Variants in FUT9 observed in about 807,000 individuals in gnomAD.
The protein encoded by FUT9 is fucosyltransferase 9.
Under a neutral mutation model 29.7 loss-of-function variants are expected in FUT9, and 15 were observed. The ratio of observed to expected loss-of-function variants is 0.51; its 90% CI spans 0.34 to 0.78. The LOEUF is 0.78. Ranked by LOEUF, FUT9 falls within the 30% of genes least tolerant of loss-of-function variation. The probability of loss-of-function intolerance (pLI) is 0.01; values close to 1 mark genes in which losing one functional copy is unlikely to be tolerated. For missense variants in FUT9, 319 were observed against 425.4 expected, an observed-to-expected ratio of 0.75 and a Z score of 2.20; for synonymous variants, 169 against 153.7, an observed-to-expected ratio of 1.10 and a Z score of -0.74.
At chr6:96,193,636 A>C (rs1490545336) in intron 2 of FUT9, among the ~76,000 whole-genome samples, 9 of 152,030 alleles carry the variant, frequency 5.9e-5, no homozygotes. Flanking sequence ...GTTGTGGAAG[A>C]CAGTGTGGCG....
Position 96,193,739 on chromosome 6 carries a change from A to C in FUT9, c.-8-9409A>C, listed in dbSNP as rs560692735. ...AAGGATTATAAATCATGCTGCTATA[A>C]AGACACATGCACATGTATGTTTATT... On this transcript the variant is annotated intron_variant, in intron 2 of 2. Transcript: ENST00000302103. 2.0e-4 allele frequency among the ~76,000 whole-genome samples: 30 copies of C among 152,274 alleles called. 1 individual carries two copies. The South Asian group carries it at 6.2e-3, about 32-fold the overall frequency.
rs116189103 is a variant in FUT9, at chr6:96,101,587, T to A, written c.-97-12452T>A. Among the ~76,000 whole-genome samples, 928 of 151,898 alleles carry A rather than the reference T, an allele frequency of 6.1e-3. 14 individuals are homozygous for A. Among genetic ancestry groups the A allele is most frequent in the African/African-American group, 0.021 (888 of 41,422 alleles). ...CATAAAAATGTACATTTTACCCTCA[T>A]GTTCAATTATTTCATTAAGGAGGTC... On this transcript the variant is annotated intron_variant, in intron 1 of 2. Transcript: ENST00000302103.
chr6:96,161,231 A>G (rs1772894929), intron 2 of FUT9, among the ~76,000 whole-genome samples: 1 of 152,180 alleles, frequency 6.6e-6, no homozygotes, highest in Non-Finnish European at 1.5e-5. Flanking sequence ...TGATTAGATC[A>G]TGAGTACAGA....
chr6:96,028,796 C>T (rs1253061303), intron 1 of FUT9, among the ~76,000 whole-genome samples: 3 of 151,516 alleles, frequency 2.0e-5, no homozygotes, highest in Non-Finnish European at 3.0e-5. Flanking sequence ...ATAATGAGCA[C>T]GGAAGAGCTA....
intron 1 of FUT9, among the ~76,000 whole-genome samples, chr6:96,090,614 T>C (rs1353861031): frequency 6.6e-6 from 1 of 151,776 alleles, no homozygotes; most frequent in Non-Finnish European, 1.5e-5. Context: ...TCTGGTAAGA[T>C]TGAGCAGAAA....
At position 96,158,275 on chromosome 6, in the gene FUT9, A is replaced by T. The variant is rs117048545; in HGVS notation, c.-9+44148A>T. Among the ~76,000 whole-genome samples, 1,307 of 152,182 alleles carry T rather than the reference A, an allele frequency of 8.6e-3. 21 individuals carry two copies. Among genetic ancestry groups the T allele is most frequent in the Middle Eastern group, 0.01 (3 of 294 alleles). On this transcript the variant is annotated intron_variant, in intron 2 of 2. Transcript: ENST00000302103. ...GGTCTTTAATTCATTTCATATCATA[A>T]TGGACAGATGGTGGACAAGGATTTT...
intron 2 of FUT9, among the ~76,000 whole-genome samples, chr6:96,163,569 G>T (rs1772953226): frequency 6.6e-6 from 1 of 152,102 alleles, no homozygotes. Flanking sequence ...AACCAATACA[G>T]CTGTTTCTGT....
intron 1 of FUT9, among the ~76,000 whole-genome samples, chr6:96,055,332 A>G (rs1351818201): frequency 2.0e-5 from 3 of 151,534 alleles, no homozygotes; most frequent in Non-Finnish European, 2.9e-5. Flanking sequence ...TTTTTATTTG[A>G]CCCAATAACT....
At chr6:96,190,024 T>C (rs776055604) in intron 2 of FUT9, among the ~76,000 whole-genome samples, 19 of 152,222 alleles carry the variant, frequency 1.2e-4, no homozygotes, top group Non-Finnish European at 2.5e-4. Context: ...CAATATGGCA[T>C]GTTTTTGCAG....
chr6:96,041,597 T>C (rs962126526), intron 1 of FUT9, among the ~76,000 whole-genome samples: 1 of 152,188 alleles, frequency 6.6e-6, no homozygotes, highest in East Asian at 1.9e-4. Flanking sequence ...TAACTGGCCC[T>C]GAAATGGACT....
At chr6:96,132,583 G>A (rs996998747) in intron 2 of FUT9, among the ~76,000 whole-genome samples, 2 of 152,068 alleles carry the variant, frequency 1.3e-5, no homozygotes, top group Admixed American at 6.6e-5. Flanking sequence ...GAGAAAGGGC[G>A]ACAATTTTGG....
intron 2 of FUT9, among the ~76,000 whole-genome samples, chr6:96,141,444 T>C (rs1272636942): frequency 2.0e-5 from 3 of 152,170 alleles, no homozygotes; most frequent in Non-Finnish European, 4.4e-5. Context: ...AAAAAGACTC[T>C]GAATCAGGTG....
At chr6:96,109,191 A>T (rs1046324420) in intron 1 of FUT9, among the ~76,000 whole-genome samples, 2 of 152,230 alleles carry the variant, frequency 1.3e-5, no homozygotes, top group African/African-American at 4.8e-5. Flanking sequence ...CAGCTGAATT[A>T]AGAAGCTTGC....
chr6:96,062,445 AC>A lies in FUT9; in HGVS notation c.-98+46234del, dbSNP rs556420167. 5.4e-3 allele frequency among the ~76,000 whole-genome samples: 821 copies of A among 152,294 alleles called. 4 individuals are homozygous for A. The highest frequency in any genetic ancestry group is 0.019 in the African/African-American group (783 of 41,574). On this transcript the variant is annotated intron_variant, in intron 1 of 2. Transcript: ENST00000302103. ...TGTAAATAATTGAATGAGAAAACAA[AC>A]ATTTAACCTCTGGAAAACTTGTTTA...
At chr6:96,094,044 G>C (rs1295655211) in intron 1 of FUT9, among the ~76,000 whole-genome samples, 2 of 152,148 alleles carry the variant, frequency 1.3e-5, no homozygotes, top group Non-Finnish European at 2.9e-5. Flanking sequence ...CTTCAAATTT[G>C]ATGCTGCTCT....
chr6:96,034,232 G>A (rs1770314658), intron 1 of FUT9, among the ~76,000 whole-genome samples: 1 of 151,520 alleles, frequency 6.6e-6, no homozygotes, highest in African/African-American at 2.4e-5. Context: ...TACCAACTTG[G>A]GAAGAGGTAG....
intron 2 of FUT9, among the ~76,000 whole-genome samples, chr6:96,158,533 G>GT (rs1772834131): frequency 6.6e-6 from 1 of 151,996 alleles, no homozygotes; most frequent in Admixed American, 6.6e-5. Flanking sequence ...GATGGAAACC[G>GT]TTTTGCAACA....
intron 1 of FUT9, 124 bp from the exon 2 acceptor site, chr6:96,113,915 T>C (rs1206673351): frequency 1.3e-5 from 2 of 151,586 alleles, no homozygotes; most frequent in Non-Finnish European, 2.9e-5. Flanking sequence ...AACACAATAA[T>C]ACAGAAAGAT....
Position 96,135,044 on chromosome 6 carries a change from C to T in FUT9, c.-9+20917C>T, listed in dbSNP as rs560091991. 4.6e-5 allele frequency among the ~76,000 whole-genome samples: 7 copies of T among 151,924 alleles called. No individual in the cohort carries two copies. In the South Asian group the frequency reaches 1.2e-3, roughly 27 times the overall value. ...AAAGGTGCAGGTTGCTGTATTGCTTCATTGCAAAGTTAAGGAGTAACATGT... is the reference window on the plus strand; with the variant it reads ...AAAGGTGCAGGTTGCTGTATTGCTTTATTGCAAAGTTAAGGAGTAACATGT... On this transcript the variant is annotated intron_variant, in intron 2 of 2. Coordinates refer to ENST00000302103, the MANE Select transcript of FUT9 (RefSeq NM_006581.4).
Sources: gnomAD v4.1 joint callset for allele counts (sites outside exome capture counted in the v4.1 genomes callset) on GRCh38, gnomAD v4.1.1 for gene constraint, MANE v1.5 for transcripts, NCBI Gene and HGNC (gene_info 2026-07-23, HGNC 2026-07-21) for gene names.